The following PIK3C2G variants were observed in gnomAD, a reference collection of about 807,000 sequenced individuals.
The protein encoded by PIK3C2G is phosphatidylinositol 3-kinase C2 domain-containing subunit gamma.
A neutral mutation model predicts 181.1 loss-of-function variants in PIK3C2G; 168 were observed. The observed-to-expected ratio is 0.93, with a 90% CI of 0.82 to 1.05. PIK3C2G has a LOEUF of 1.05. PIK3C2G is among the 50% of genes least tolerant of loss of function. The pLI is 0.00. For synonymous variants in PIK3C2G, 573 were observed against 592.2 expected (o/e 0.97, Z 0.47); for missense variants, 1,869 against 1,732.8 (o/e 1.08, Z -1.40).
intron 6 of PIK3C2G, among the ~76,000 whole-genome samples, chr12:18,315,166 C>T (rs952936740): frequency 3.9e-5 from 6 of 151,982 alleles, no homozygotes; most frequent in African/African-American, 1.4e-4. Flanking sequence ...AGTGTTTCAT[C>T]ATAAGAAAAT....
chr12:18,548,675 C>T (rs1216063139), intron 26 of PIK3C2G, among the ~76,000 whole-genome samples: 1 of 152,006 alleles, frequency 6.6e-6, no homozygotes, highest in Non-Finnish European at 1.5e-5. Flanking sequence ...GGCCAATCTT[C>T]CCACTTACCA....
chr12:18,298,586 T>A (rs1950045807), intron 5 of PIK3C2G, among the ~76,000 whole-genome samples: 1 of 151,930 alleles, frequency 6.6e-6, no homozygotes, highest in Non-Finnish European at 1.5e-5. Context: ...TTTTGTTGCC[T>A]GTGCTTTTGA....
chr12:18,470,002 T>C (rs1938303622), intron 18 of PIK3C2G, among the ~76,000 whole-genome samples: 1 of 151,980 alleles, frequency 6.6e-6, no homozygotes, highest in South Asian at 2.1e-4. Context: ...TATCTAAAGT[T>C]TACCTGAGAG....
At chr12:18,584,888 T>G (rs1050988930) in intron 29 of PIK3C2G, among the ~76,000 whole-genome samples, 4 of 152,096 alleles carry the variant, frequency 2.6e-5, no homozygotes, top group African/African-American at 9.7e-5. Flanking sequence ...GGGCCTGTAT[T>G]CAACATACTT....
the PIK3C2G span, among the ~76,000 whole-genome samples, chr12:18,720,401 T>C: frequency 1.3e-5 from 2 of 151,472 alleles, no homozygotes; most frequent in Non-Finnish European, 2.9e-5. Flanking sequence ...TTCTGGGTCA[T>C]TTGTATCTGA....
At chr12:18,558,108 T>C (rs1945105361) in intron 26 of PIK3C2G, among the ~76,000 whole-genome samples, 1 of 152,146 alleles carries the variant, frequency 6.6e-6, no homozygotes, top group South Asian at 2.1e-4. Context: ...CAAGATGTAC[T>C]ATAAAGTTCC....
the PIK3C2G span, among the ~76,000 whole-genome samples, chr12:18,660,224 C>A: frequency 1.4e-4 from 22 of 152,254 alleles, no homozygotes; most frequent in East Asian, 4.3e-3. Flanking sequence ...TCCCCATTCT[C>A]CTGCGTATTT....
At chr12:18,269,979 A>T (rs1165971772) in intron 1 of PIK3C2G, among the ~76,000 whole-genome samples, 1 of 134,494 alleles carries the variant, frequency 7.4e-6, no homozygotes, top group Non-Finnish European at 1.5e-5. Flanking sequence ...GTGAGATCTT[A>T]GCTCACTGCA....
At chr12:18,658,537 C>T in the PIK3C2G span, among the ~76,000 whole-genome samples, 1 of 151,884 alleles carries the variant, frequency 6.6e-6, no homozygotes, top group South Asian at 2.1e-4. Flanking sequence ...ATTCAAAGAG[C>T]TAAAAGAAAA....
At chr12:18,614,205 T>G (rs1264201114) in intron 31 of PIK3C2G, among the ~76,000 whole-genome samples, 3 of 152,102 alleles carry the variant, frequency 2.0e-5, no homozygotes, top group African/African-American at 7.2e-5. Flanking sequence ...CTTCCAGAGT[T>G]GGCCCATTTT....
intron 18 of PIK3C2G, among the ~76,000 whole-genome samples, chr12:18,426,823 C>T (rs1297093723): frequency 1.8e-4 from 27 of 152,180 alleles, no homozygotes; most frequent in Admixed American, 1.8e-3. Flanking sequence ...TGATTTGATG[C>T]TTATTTTCAT....
At chr12:18,594,373 T>C in intron 29 of PIK3C2G, 121 bp from the exon 30 acceptor site, 1 of 579,574 alleles carries the variant, frequency 1.7e-6, no homozygotes, top group Non-Finnish European at 3.0e-6. Flanking sequence ...TTTCTCTCTA[T>C]TTGTAGAATC....
the PIK3C2G span, chr12:18,712,902 T>G: frequency 6.2e-7 from 1 of 1,613,822 alleles, no homozygotes; most frequent in African/African-American, 1.3e-5. Context: ...TGCTTGTGAG[T>G]GTGTAGCCAT....
At chr12:18,296,942 T>C (rs1195355607) in intron 5 of PIK3C2G, among the ~76,000 whole-genome samples, 1 of 152,082 alleles carries the variant, frequency 6.6e-6, no homozygotes, top group Non-Finnish European at 1.5e-5. Context: ...TATTAAAATC[T>C]TTCATCATGT....
Position 18,343,360 on chromosome 12 carries a change from G to C in PIK3C2G, c.1429G>C (p.Gly477Arg). The change falls in exon 10 of 33, where the codon GGC becomes CGC. Residue 477 changes from glycine to arginine, a missense_variant and splice_region_variant. Transcript: ENST00000538779. ...FYQSSETSAK[G>R]LIEKVTTELS... Reference sequence around the variant, plus strand: ...TCAAAGTTCAGAGACTTCAGCAAAAGGTAAAACATACATGTACTCAAGTAT... The same window carrying C: ...TCAAAGTTCAGAGACTTCAGCAAAACGTAAAACATACATGTACTCAAGTAT... 1.5e-6 allele frequency: 2 copies of C among 1,315,444 alleles called. No homozygotes were observed. The highest frequency in any genetic ancestry group is 2.1e-6 in the Non-Finnish European group (2 of 950,148). The allele number at this position is 1,315,444 out of a possible 1,614,324, so 81.5% of individuals were successfully genotyped here.
chr12:18,542,655 CA>C (rs1944222583), intron 25 of PIK3C2G, among the ~76,000 whole-genome samples: 1 of 151,792 alleles, frequency 6.6e-6, no homozygotes, highest in Non-Finnish European at 1.5e-5. Flanking sequence ...TGAGAATATG[CA>C]GTATGTGGTT....
chr12:18,307,236 C>T (rs1950457338), intron 5 of PIK3C2G, among the ~76,000 whole-genome samples: 1 of 151,116 alleles, frequency 6.6e-6, no homozygotes, highest in Non-Finnish European at 1.5e-5. Context: ...TAGAATTCAG[C>T]CTCTTAGTGT....
downstream of PIK3C2G, among the ~76,000 whole-genome samples, chr12:18,649,665 T>C (rs887916347): frequency 2.0e-5 from 3 of 152,140 alleles, no homozygotes; most frequent in Non-Finnish European, 1.5e-5. Context: ...CTCCCACCAT[T>C]TCAATGAAAC....
At chr12:18,328,460 G>A (rs768057410) in intron 8 of PIK3C2G, among the ~76,000 whole-genome samples, 2 of 151,968 alleles carry the variant, frequency 1.3e-5, no homozygotes, top group Non-Finnish European at 2.9e-5. Flanking sequence ...TTAAACTGAA[G>A]CTCTCTTGGT....
Sources: allele counts gnomAD v4.1 joint callset (sites outside exome capture counted in the v4.1 genomes callset), GRCh38; gene constraint gnomAD v4.1.1; transcripts MANE v1.5; gene names NCBI Gene and HGNC (gene_info 2026-07-23, HGNC 2026-07-21).